HOXD10: variants seen among roughly 807,000 people sequenced by gnomAD.
The protein encoded by HOXD10 is homeobox protein Hox-D10.
In HOXD10, 15 loss-of-function variants were observed where a neutral mutation model predicts 27.0. The ratio of observed to expected loss-of-function variants is 0.56; its 90% confidence interval spans 0.37 to 0.85. HOXD10 has a LOEUF of 0.85. Among genes scored for constraint, HOXD10 ranks in the 40% least tolerant of loss-of-function variants. The pLI, the probability that HOXD10 is intolerant of heterozygous loss-of-function variation, is 0.00. For synonymous variants in HOXD10, 178 were observed against 160.9 expected (o/e 1.11, Z -0.80); for missense variants, 440 against 430.4 (o/e 1.02, Z -0.20).
Position 176,117,258 on chromosome 2 carries a change from A to T in HOXD10, c.425A>T (p.Glu142Val). 1 of 1,610,538 alleles carries T rather than the reference A, an allele frequency of 6.2e-7. No individual in the cohort carries two copies. Reference sequence around the variant, plus strand: ...CTGGTCCCTGAGTCTTGTCCCGTTGAGAACCCTGAGGTTCCCGTCCCTGGA... The same window carrying T: ...CTGGTCCCTGAGTCTTGTCCCGTTGTGAACCCTGAGGTTCCCGTCCCTGGA... The part of the protein sequence containing the change: ...QRLVPESCPV[E>V]NPEVPVPGYF... Residue 142 changes from glutamate (E) to valine (V), a missense_variant, in exon 1 of 2, where the codon GAG becomes GTG. By Grantham distance (121) the Glu-to-Val change is moderately radical. Transcript: ENST00000249501.
chr2:176,118,870 CAAAACCAAAACAAAAACA>C (rs1190137185), intron 1 of HOXD10, 66 bp from the exon 2 acceptor site: 2 of 1,283,740 alleles, frequency 1.6e-6, no homozygotes, highest in Non-Finnish European at 2.2e-6. Context: ...AAACCAAAAC[CAAAACCAAAACAAAAACA>C]AAAACAAAAA....
chr2:176,118,895 AAAAC>A lies in HOXD10; in HGVS notation c.746-47_746-44del, dbSNP rs531368112. ...CAAAACCAAAACAAAAACAAAAACA[AAAAC>A]AAACAAACAAAAAACCTCTTGATTT... On this transcript the variant is annotated intron_variant, in intron 1 of 1. Transcript: ENST00000249501. 631 of 1,453,708 alleles carry A rather than the reference AAAAC, an allele frequency of 4.3e-4. 4 individuals carry two copies. The South Asian group carries it at 5.1e-3, about 12-fold the overall frequency. The allele number at this position is 1,453,708 out of a possible 1,614,324, so 90.1% of individuals were successfully genotyped here.
rs1689772062 is a variant in HOXD10, at chr2:176,117,239, C to A, written c.406C>A (p.Pro136Thr). ...GGTCCCTTCGTACCAGAGGCTGGTC[C>A]CTGAGTCTTGTCCCGTTGAGAACCC... is the stretch of plus-strand genomic sequence containing the variant. Reference protein sequence around the residue: ...AEVPSYQRLVPESCPVENPEV... With the variant: ...AEVPSYQRLVTESCPVENPEV... The change falls in exon 1 of 2, where the codon CCT (proline) becomes ACT (threonine). Residue 136 changes from proline to threonine, a missense_variant. Transcript: ENST00000249501. 3 of 1,611,276 alleles carry A rather than the reference C, an allele frequency of 1.9e-6. No homozygotes were observed. The highest frequency in any genetic ancestry group is 2.2e-5 in the South Asian group (2 of 91,036).
At position 176,118,951 on chromosome 2, in the gene HOXD10, T is replaced by C. The variant is rs56941395; in HGVS notation, c.746-3T>C. On this transcript the variant is annotated splice_polypyrimidine_tract_variant and splice_region_variant and intron_variant, in intron 1 of 1. Transcript: ENST00000249501. Reference sequence around the variant, plus strand: ...TTTCTTCTTCTCCCTTTAATTTTGTTAGAGGAAATCAAGTCTGATACACCA... The same window carrying C: ...TTTCTTCTTCTCCCTTTAATTTTGTCAGAGGAAATCAAGTCTGATACACCA... The C allele has an allele frequency of 1.3e-3, 2,061 of 1,610,630 alleles. 29 individuals are homozygous for C. In the African/African-American group the frequency reaches 0.025, roughly 19 times the overall value.
Position 176,118,939 on chromosome 2 carries a change from C to A in HOXD10, c.746-15C>A. 6.2e-7 allele frequency: 1 copy of A among 1,606,258 alleles called. No homozygotes were observed. The highest frequency in any genetic ancestry group is 8.5e-7 in the Non-Finnish European group (1 of 1,173,962). ...CCTCTTGATTTTTTTCTTCTTCTCC[C>A]TTTAATTTTGTTAGAGGAAATCAAG... On this transcript the variant is annotated splice_polypyrimidine_tract_variant and intron_variant, in intron 1 of 1. Coordinates refer to ENST00000249501, the MANE Select transcript of HOXD10 (RefSeq NM_002148.4).
chr2:176,117,650 G>T, intron 1 of HOXD10, 72 bp downstream of exon 1: 1 of 1,560,822 alleles, frequency 6.4e-7, no homozygotes, highest in Non-Finnish European at 8.8e-7. Context: ...GAGTGCCGGG[G>T]TGCCCAGCGC....
chr2:176,119,102 G>T lies in HOXD10; in HGVS notation c.894G>T (p.Glu298Asp). Residue 298 changes from glutamate (E) to aspartate (D), a missense_variant, in exon 2 of 2, where the codon GAG (glutamate) becomes GAT (aspartate). Transcript: ENST00000249501. ...NMYLTRERRL[E>D]ISKSVNLTDR... ...ACCTCACCCGCGAGCGCCGCCTAGA[G>T]ATCAGTAAGAGCGTTAACCTCACCG... 6 of 1,614,096 alleles carry T rather than the reference G, an allele frequency of 3.7e-6. No individual in the cohort carries two copies. Among genetic ancestry groups the T allele is most frequent in the Non-Finnish European group, 4.2e-6 (5 of 1,180,018 alleles).
intron 1 of HOXD10, among the ~76,000 whole-genome samples, chr2:176,118,269 C>T (rs149584029): frequency 6.0e-4 from 92 of 152,308 alleles, no homozygotes; most frequent in African/African-American, 1.9e-3. Context: ...AACCCTCCTC[C>T]TCTCCCCCAG....
Position 176,116,841 on chromosome 2 carries a change from T to C in HOXD10, c.8T>C (p.Phe3Ser). The change falls in exon 1 of 2, where the codon TTT becomes TCT. Residue 3 changes from phenylalanine (F) to serine (S), a missense_variant. Phe to Ser is a radical substitution (Grantham distance 155). Coordinates refer to ENST00000249501, the MANE Select transcript of HOXD10 (RefSeq NM_002148.4). ...TTCAAATTCTTCCCCAAAATGTCCT[T>C]TCCCAACAGCTCTCCTGCTGCTAAT... is the stretch of plus-strand genomic sequence containing the variant. The part of the protein sequence containing the change: MS[F>S]PNSSPAANTF... 6.2e-7 allele frequency: 1 copy of C among 1,614,090 alleles called. No homozygotes were observed.
At position 176,117,261 on chromosome 2, in the gene HOXD10, AC is replaced by A. The variant is rs768687790; in HGVS notation, c.431del (p.Pro144LeufsTer11). ...RLVPESCPVE[N>X]PEVPVPGYFR... ...GTCCCTGAGTCTTGTCCCGTTGAGA[AC>A]CCTGAGGTTCCCGTCCCTGGATATT... On this transcript the variant is annotated frameshift_variant, in exon 1 of 2. Coordinates refer to ENST00000249501, the MANE Select transcript of HOXD10 (RefSeq NM_002148.4). LOFTEE classifies it high-confidence loss of function. The A allele has an allele frequency of 1.2e-6, 2 of 1,610,138 alleles. No individual in the cohort carries two copies. The highest frequency in any genetic ancestry group is 2.7e-5 in the African/African-American group (2 of 74,698).
In HOXD10 at chr2:176,119,084, C is replaced by G. The variant is rs1019848667; in HGVS notation, c.876C>G (p.Thr292=). Residue 292 remains threonine (T), a synonymous_variant, in exon 2 of 2, where the codon ACC becomes ACG. Transcript: ENST00000249501. ...EKEFLFNMYL[T]RERRLEISKS... ...AGTTCTTGTTCAATATGTACCTCAC[C>G]CGCGAGCGCCGCCTAGAGATCAGTA... The G allele has an allele frequency of 7.4e-6, 12 of 1,613,938 alleles. No individual in the cohort carries two copies. Among genetic ancestry groups the G allele is most frequent in the African/African-American group, 1.3e-5 (1 of 74,874 alleles).
chr2:176,117,601 C>T lies in HOXD10; in HGVS notation c.745+23C>T, dbSNP rs370000486. 83 of 1,611,480 alleles carry T rather than the reference C, an allele frequency of 5.2e-5. 1 individual carries two copies. In the East Asian group the frequency reaches 1.2e-3, roughly 23 times the overall value. ...AAGGTCGGTATGAGCAGAGTTGCCA[C>T]CCCAGCGGGGCGCGCAGCCCGGGAA... On this transcript the variant is annotated intron_variant, in intron 1 of 1. Coordinates refer to ENST00000249501, the MANE Select transcript of HOXD10 (RefSeq NM_002148.4).
intron 1 of HOXD10, 84 bp from the exon 2 acceptor site, chr2:176,118,870 C>A (rs41270207): frequency 4.7e-6 from 6 of 1,284,284 alleles, no homozygotes; most frequent in African/African-American, 1.5e-5. Context: ...AAACCAAAAC[C>A]AAAACCAAAA....
At chr2:176,118,899 C>G in intron 1 of HOXD10, 55 bp from the exon 2 acceptor site, 1 of 1,490,196 alleles carries the variant, frequency 6.7e-7, no homozygotes, top group Middle Eastern at 1.9e-4. Context: ...AAAACAAAAA[C>G]AAACAAACAA....
In HOXD10 at chr2:176,119,072, T is replaced by G. The variant is rs1207086857; in HGVS notation, c.864T>G (p.Asn288Lys). The G allele has an allele frequency of 6.2e-7, 1 of 1,614,032 alleles. No homozygotes were observed. Among genetic ancestry groups the G allele is most frequent in the Non-Finnish European group, 8.5e-7 (1 of 1,180,016 alleles). The stretch of plus-strand genomic sequence containing the variant: ...AATTAGAAAAAGAGTTCTTGTTCAA[T>G]ATGTACCTCACCCGCGAGCGCCGCC... ...TLELEKEFLF[N>K]MYLTRERRLE... The change falls in exon 2 of 2, where the codon AAT (asparagine) becomes AAG (lysine). Residue 288 changes from asparagine (N) to lysine (K), a missense_variant. Asn to Lys is a moderately conservative substitution (Grantham distance 94, BLOSUM62 0). Transcript: ENST00000249501.
chr2:176,118,729 G>A (rs1331832786), intron 1 of HOXD10, among the ~76,000 whole-genome samples: 1 of 152,180 alleles, frequency 6.6e-6, no homozygotes, highest in Non-Finnish European at 1.5e-5. Context: ...TGGCATCAAT[G>A]TAAGATTCCC....
intron 1 of HOXD10, 72 bp from the exon 2 acceptor site, chr2:176,118,882 A>AAAACCAAAACC: frequency 2.6e-6 from 2 of 776,954 alleles, no homozygotes; most frequent in East Asian, 2.5e-5. Flanking sequence ...AAACCAAAAC[A>AAAACCAAAACC]AAAACAAAAA....
At chr2:176,117,799 A>G (rs1689788148) in intron 1 of HOXD10, among the ~76,000 whole-genome samples, 1 of 151,416 alleles carries the variant, frequency 6.6e-6, no homozygotes, top group Admixed American at 6.6e-5. Context: ...GCGCCCGGGC[A>G]GAGGAAAAGC....
In HOXD10 at chr2:176,116,832, A is replaced by C. The variant is rs749743369; in HGVS notation, c.-2A>C. The C allele has an allele frequency of 1.5e-5, 25 of 1,613,722 alleles. No individual in the cohort carries two copies. Among genetic ancestry groups the C allele is most frequent in the Non-Finnish European group, 1.9e-5 (23 of 1,179,712 alleles). ...TCTCTCTTCTTCAAATTCTTCCCCAAAATGTCCTTTCCCAACAGCTCTCCT... is the reference window on the plus strand; with the variant it reads ...TCTCTCTTCTTCAAATTCTTCCCCACAATGTCCTTTCCCAACAGCTCTCCT... On this transcript the variant is annotated 5_prime_UTR_variant, in exon 1 of 2. Transcript: ENST00000249501.
Sources: gnomAD v4.1 joint callset for allele counts (sites outside exome capture counted in the v4.1 genomes callset) on GRCh38, gnomAD v4.1.1 for gene constraint, MANE v1.5 for transcripts, NCBI Gene and HGNC (gene_info 2026-07-23, HGNC 2026-07-21) for gene names.